MYOM2: variants seen among roughly 807,000 people sequenced by gnomAD.
MYOM2 encodes myomesin-2.
Under a neutral mutation model 187.6 loss-of-function variants are expected in MYOM2, and 254 were observed. The observed-to-expected ratio is 1.35, with a 90% CI of 1.22 to 1.50. The LOEUF is 1.50. Among genes scored for constraint, MYOM2 ranks in the 40% most tolerant of loss-of-function variants. MYOM2 has a pLI of 0.00. For missense variants in MYOM2, 2,796 were observed against 1,924.0 expected, an observed-to-expected ratio of 1.45 and a Z score of -8.48; for synonymous variants, 981 against 753.8, an observed-to-expected ratio of 1.30 and a Z score of -4.94.
chr8:2,100,173 C>CTTCCTTCT (rs1796656620), intron 19 of MYOM2, among the ~76,000 whole-genome samples: 1 of 143,280 alleles, frequency 7.0e-6, no homozygotes, highest in Non-Finnish European at 1.5e-5. Context: ...TCCTTCCTTC[C>CTTCCTTCT]TTCCTTCCTT....
chr8:2,132,388 A>G (rs1797905782), intron 32 of MYOM2, among the ~76,000 whole-genome samples: 1 of 152,222 alleles, frequency 6.6e-6, no homozygotes, highest in African/African-American at 2.4e-5. Flanking sequence ...GAATGTTAGA[A>G]ACTTATTCAG....
At chr8:2,076,605 G>A (rs759364035) in intron 11 of MYOM2, 3 of 283,086 alleles carry the variant, frequency 1.1e-5, no homozygotes, top group Admixed American at 9.9e-5. Flanking sequence ...GGTCCGGGCT[G>A]TGCCCCGTAC....
intron 31 of MYOM2, among the ~76,000 whole-genome samples, chr8:2,128,820 A>G (rs2116879140): frequency 6.6e-6 from 1 of 152,254 alleles, no homozygotes; most frequent in South Asian, 2.1e-4. Flanking sequence ...CACTGTTGTT[A>G]TTTTGCCTCC....
At chr8:2,120,367 C>G (rs1268696290) in intron 28 of MYOM2, among the ~76,000 whole-genome samples, 1 of 151,752 alleles carries the variant, frequency 6.6e-6, no homozygotes, top group East Asian at 2.0e-4. Context: ...CACTTGGCCA[C>G]CTCAGCGGGG....
At chr8:2,144,458 G>A (rs559505340) in intron 36 of MYOM2, among the ~76,000 whole-genome samples, 70 of 152,224 alleles carry the variant, frequency 4.6e-4, no homozygotes, top group Non-Finnish European at 8.2e-4. Context: ...TTACGAGCTC[G>A]CCTGTGAAGT....
chr8:2,052,947 A>G (rs1452983529), intron 3 of MYOM2, among the ~76,000 whole-genome samples: 1 of 152,228 alleles, frequency 6.6e-6, no homozygotes, highest in East Asian at 1.9e-4. Context: ...TGGATTAATA[A>G]AAATGCCAGT....
intron 12 of MYOM2, among the ~76,000 whole-genome samples, chr8:2,079,173 C>T (rs1819536285): frequency 6.6e-6 from 1 of 150,602 alleles, no homozygotes; most frequent in South Asian, 2.1e-4. Flanking sequence ...TCTTTGCTGG[C>T]ATCCAGTTAA....
At chr8:2,134,810 T>A (rs529911003) in intron 32 of MYOM2, among the ~76,000 whole-genome samples, 2 of 152,182 alleles carry the variant, frequency 1.3e-5, no homozygotes, top group African/African-American at 4.8e-5. Context: ...AATGCCTTAT[T>A]TTCTGGGCCC....
chr8:2,065,288 A>C (rs1818978704), intron 6 of MYOM2, among the ~76,000 whole-genome samples: 1 of 152,202 alleles, frequency 6.6e-6, no homozygotes, highest in Admixed American at 6.5e-5. Context: ...AAGCCTTGGC[A>C]GGCCAGGCAC....
chr8:2,056,291 G>C (rs1230105458), intron 3 of MYOM2, among the ~76,000 whole-genome samples: 1 of 152,206 alleles, frequency 6.6e-6, no homozygotes, highest in Non-Finnish European at 1.5e-5. Flanking sequence ...ATGGCAGTGA[G>C]ATGTTTCTCA....
chr8:2,113,308 C>T (rs566276539), intron 25 of MYOM2, among the ~76,000 whole-genome samples: 2 of 152,252 alleles, frequency 1.3e-5, no homozygotes, highest in African/African-American at 2.4e-5. Context: ...CAATGTCAGA[C>T]ACTGTATCAT....
At chr8:2,128,790 C>A (rs978612618) in intron 31 of MYOM2, among the ~76,000 whole-genome samples, 2 of 152,188 alleles carry the variant, frequency 1.3e-5, no homozygotes, top group Non-Finnish European at 2.9e-5. Flanking sequence ...TTGGGGTTAA[C>A]TCACGTAGCA....
intron 14 of MYOM2, among the ~76,000 whole-genome samples, chr8:2,089,768 A>G (rs1009078723): frequency 1.3e-5 from 2 of 152,178 alleles, no homozygotes; most frequent in Admixed American, 1.3e-4. Context: ...TATTTACTTT[A>G]ATGGAAAAAA....
chr8:2,089,778 A>G (rs1036090868), intron 14 of MYOM2, among the ~76,000 whole-genome samples: 2 of 152,174 alleles, frequency 1.3e-5, no homozygotes, highest in East Asian at 3.9e-4. Context: ...AATGGAAAAA[A>G]ATTTATTAGT....
Position 2,050,829 on chromosome 8 carries a change from T to G in MYOM2, c.63T>G (p.Arg21=), listed in dbSNP as rs1483999724. Residue 21 remains arginine, a synonymous_variant, in exon 2 of 37, where the codon CGT becomes CGG. Coordinates refer to ENST00000262113, the MANE Select transcript of MYOM2 (RefSeq NM_003970.4). ...ATAGGCACTTCGACCAGTCCTACCG[T>G]AATATTCAAACACGGTACCTGCTGG... ...KRHRHFDQSY[R]NIQTRYLLDE... is the part of the protein sequence containing the mutation. 3 of 1,613,064 alleles carry G rather than the reference T, an allele frequency of 1.9e-6. No homozygotes were observed. The highest frequency in any genetic ancestry group is 1.3e-5 in the African/African-American group (1 of 74,922).
intron 6 of MYOM2, among the ~76,000 whole-genome samples, chr8:2,066,763 C>G (rs1490105496): frequency 6.6e-6 from 1 of 152,148 alleles, no homozygotes; most frequent in Admixed American, 6.5e-5. Context: ...TAATGCTTAG[C>G]ATTGGAGAAA....
chr8:2,141,122 A>T lies in MYOM2; in HGVS notation c.3965-19A>T. On this transcript the variant is annotated intron_variant, in intron 33 of 36. Coordinates refer to ENST00000262113, the MANE Select transcript of MYOM2 (RefSeq NM_003970.4). ...TGAACACTGAAATGGTTAGTAACGT[A>T]TGAACTATTTCCTCACAGCTTTTGA... is the stretch of plus-strand genomic sequence containing the variant. The T allele has an allele frequency of 6.2e-7, 1 of 1,610,514 alleles. No individual in the cohort carries two copies. Among genetic ancestry groups the T allele is most frequent in the Non-Finnish European group, 8.5e-7 (1 of 1,177,278 alleles).
At chr8:2,100,017 TTTCCTTCCTTCC>T (rs202082602) in intron 19 of MYOM2, among the ~76,000 whole-genome samples, 41,160 of 135,722 alleles carry the variant, frequency 0.3, 9,541 homozygotes, top group East Asian at 0.51. Context: ...CCTTCCTTTC[TTTCCTTCCTTCC>T]TTCTTTCCTT....
At chr8:2,078,375 C>G (rs956498362) in intron 11 of MYOM2, among the ~76,000 whole-genome samples, 1 of 152,174 alleles carries the variant, frequency 6.6e-6, no homozygotes, top group Non-Finnish European at 1.5e-5. Context: ...GGTGCCGTGA[C>G]TATGTCACGT....
Sources: allele counts gnomAD v4.1 joint callset (sites outside exome capture counted in the v4.1 genomes callset), GRCh38; gene constraint gnomAD v4.1.1; transcripts MANE v1.5; gene names NCBI Gene and HGNC (gene_info 2026-07-23, HGNC 2026-07-21).